Variants in TBL1X observed in about 807,000 individuals in gnomAD.
The protein encoded by TBL1X is F-box-like/WD repeat-containing protein TBL1X.
In TBL1X, 10 loss-of-function variants were observed where a neutral mutation model predicts 50.7. That is an observed-to-expected ratio of 0.20 (90% confidence interval 0.12 to 0.33). The LOEUF is 0.33. TBL1X is among the 10% of genes least tolerant of loss of function. TBL1X has a pLI of 1.00. For missense variants in TBL1X, 340 were observed against 504.4 expected (o/e 0.67, Z 3.12); for synonymous variants, 190 against 214.7 (o/e 0.88, Z 1.01).
At position 9,715,014 on chromosome X, in the gene TBL1X, C is replaced by T. The variant is rs746389160; in HGVS notation, c.1707+11C>T. On this transcript the variant is annotated intron_variant, in intron 17 of 17. Transcript: ENST00000645353. ...GCGTCCGACGGCTCTGTAAGCAACA[C>T]CTCTGGTTTGCTGGGGAGTGGGGTG... 2.1e-5 allele frequency: 25 copies of T among 1,203,132 alleles called. No homozygotes were observed. The highest frequency in any genetic ancestry group is 2.6e-5 in the Non-Finnish European group (23 of 890,580).
intron 2 of TBL1X, among the ~76,000 whole-genome samples, chrX:9,601,614 C>T (rs2082557180): frequency 9.0e-6 from 1 of 111,424 alleles, no homozygotes; most frequent in African/African-American, 3.3e-5. Flanking sequence ...TCTGATCTGG[C>T]CTCCCTTCCC....
chrX:9,472,923 AC>A (rs200754402), intron 1 of TBL1X, among the ~76,000 whole-genome samples: 72 of 106,896 alleles, frequency 6.7e-4, no homozygotes, highest in Admixed American at 9.0e-4. Flanking sequence ...AAAAAAAAAA[AC>A]AATAATTTTA....
intron 2 of TBL1X, among the ~76,000 whole-genome samples, chrX:9,620,837 G>A (rs2082663045): frequency 8.9e-6 from 1 of 112,034 alleles, no homozygotes; most frequent in African/African-American, 3.2e-5. Context: ...CTGGCTGCTG[G>A]CTGAGGGACG....
intron 2 of TBL1X, among the ~76,000 whole-genome samples, chrX:9,509,400 T>A (rs980820386): frequency 9.6e-6 from 1 of 104,331 alleles, no homozygotes; most frequent in Non-Finnish European, 2.0e-5. Flanking sequence ...TCTAGTACAT[T>A]GCCTAAAAGA....
chrX:9,608,149 A>T (rs923212991), intron 2 of TBL1X, among the ~76,000 whole-genome samples: 11 of 110,293 alleles, frequency 1.0e-4, no homozygotes, highest in Non-Finnish European at 2.1e-4. Context: ...ACATGATTGG[A>T]CTGGGGTGGT....
At chrX:9,693,106 C>G in intron 9 of TBL1X, 43 bp from the exon 10 acceptor site, 1 of 1,204,033 alleles carries the variant, frequency 8.3e-7, no homozygotes, top group Non-Finnish European at 1.1e-6. Context: ...TGCTGCCGCT[C>G]CTAAGTTGTT....
At chrX:9,693,491 G>T (rs146437473) in intron 11 of TBL1X, 72 bp downstream of exon 11, 5 of 997,284 alleles carry the variant, frequency 5.0e-6, no homozygotes, top group Non-Finnish European at 6.9e-6. Context: ...AAATAACATC[G>T]TGGTTTCTTG....
intron 5 of TBL1X, among the ~76,000 whole-genome samples, chrX:9,674,682 C>A (rs61130351): frequency 1.3e-4 from 1 of 7,413 alleles, no homozygotes; most frequent in African/African-American, 2.8e-4. Context: ...CCGCCTCAGC[C>A]CCCCCCCCCC....
At chrX:9,492,884 T>TAG (rs1156491912) in intron 1 of TBL1X, among the ~76,000 whole-genome samples, 7 of 45,053 alleles carry the variant, frequency 1.6e-4, no homozygotes, top group South Asian at 1.1e-3. Context: ...TGTGTGTGTG[T>TAG]GTGTGTGTGT....
intron 5 of TBL1X, among the ~76,000 whole-genome samples, chrX:9,674,679 A>ACCCC (rs1569094481): frequency 9.5e-4 from 1 of 1,053 alleles, no homozygotes; most frequent in Non-Finnish European, 1.8e-3. Context: ...CTCCCGCCTC[A>ACCCC]GCCCCCCCCC....
At chrX:9,496,156 C>G (rs765429198) in intron 1 of TBL1X, among the ~76,000 whole-genome samples, 1 of 112,196 alleles carries the variant, frequency 8.9e-6, no homozygotes, top group Non-Finnish European at 1.9e-5. Flanking sequence ...CTCTGGAAAG[C>G]GTGCGGTGAG....
chrX:9,656,724 G>A (rs763001262), intron 5 of TBL1X, among the ~76,000 whole-genome samples: 15 of 112,680 alleles, frequency 1.3e-4, no homozygotes, highest in African/African-American at 4.8e-4. Context: ...TCAGCTCACT[G>A]TGTGTATTGT....
intron 2 of TBL1X, among the ~76,000 whole-genome samples, chrX:9,531,356 T>TGTGTGTGG (rs2082159544): frequency 1.6e-5 from 1 of 61,028 alleles, no homozygotes; most frequent in Admixed American, 1.5e-4. Flanking sequence ...ACCTGGAGGG[T>TGTGTGTGG]GTGTGTGTGT....
Position 9,693,360 on chromosome X carries a change from A to G in TBL1X, c.994A>G (p.Ile332Val). The change falls in exon 11 of 18, where the codon ATC (isoleucine) becomes GTC (valine). Residue 332 changes from isoleucine (I) to valine (V), a missense_variant. Physicochemically the swap from Ile to Val is conservative, Grantham distance 29. Around this residue, in one of 6 missense-constraint regions of TBL1X, gnomAD observed 170 missense variants for 272.6 expected, o/e 0.62. Transcript: ENST00000645353. ...ASTLGQHKGPIFALKWNRKGN... is the reference protein window; with the variant it reads ...ASTLGQHKGPVFALKWNRKGN... ...CACCTTAGGCCAACATAAAGGCCCC[A>G]TCTTTGCCTTGAAATGGAACCGAAA... 8.3e-7 allele frequency: 1 copy of G among 1,211,388 alleles called. No individual in the cohort carries two copies. The highest frequency in any genetic ancestry group is 1.1e-6 in the Non-Finnish European group (1 of 895,256).
chrX:9,615,040 C>T (rs1363063443), intron 2 of TBL1X, among the ~76,000 whole-genome samples: 2 of 111,591 alleles, frequency 1.8e-5, no homozygotes, highest in African/African-American at 6.5e-5. Context: ...TAATGGTGAT[C>T]CTCAGTCACC....
chrX:9,544,435 C>G (rs1005163361), intron 2 of TBL1X, among the ~76,000 whole-genome samples: 5 of 110,744 alleles, frequency 4.5e-5, no homozygotes, highest in Non-Finnish European at 7.6e-5. Flanking sequence ...GAGAGACATG[C>G]AAAAGTGCTG....
chrX:9,562,723 T>C (rs940269951), intron 2 of TBL1X, among the ~76,000 whole-genome samples: 1 of 110,125 alleles, frequency 9.1e-6, no homozygotes, highest in Non-Finnish European at 1.9e-5. Flanking sequence ...TTTCTCAATA[T>C]ATACAGCATT....
intron 5 of TBL1X, among the ~76,000 whole-genome samples, chrX:9,658,738 A>G (rs768083814): frequency 8.9e-5 from 10 of 111,836 alleles, no homozygotes; most frequent in Non-Finnish European, 1.7e-4. Context: ...TTTAACTGAG[A>G]AAGAGCTGCC....
intron 12 of TBL1X, among the ~76,000 whole-genome samples, chrX:9,702,344 A>AG (rs960236721): frequency 2.8e-5 from 3 of 107,149 alleles, no homozygotes; most frequent in Non-Finnish European, 5.8e-5. Flanking sequence ...AGGGAGGCTG[A>AG]GGTGGGAGAA....
Sources: allele counts gnomAD v4.1 joint callset (sites outside exome capture counted in the v4.1 genomes callset), GRCh38; gene constraint gnomAD v4.1.1; regional missense constraint gnomAD v4.1.1; transcripts MANE v1.5; gene names NCBI Gene and HGNC (gene_info 2026-07-23, HGNC 2026-07-21).